The following PON2 variants were observed in gnomAD, a reference collection of about 807,000 sequenced individuals.
PON2 encodes the protein paraoxonase 2.
A neutral mutation model predicts 36.6 loss-of-function variants in PON2; 27 were observed. That is an observed-to-expected ratio of 0.74 (90% CI 0.54 to 1.02). The LOEUF is 1.02. Among genes scored for constraint, PON2 ranks in the 50% least tolerant of loss-of-function variants. The pLI is 0.00. For missense variants in PON2, 363 were observed against 421.1 expected, an observed-to-expected ratio of 0.86 and a Z score of 1.21; for synonymous variants, 149 against 156.3, an observed-to-expected ratio of 0.95 and a Z score of 0.35.
In PON2 at chr7:95,408,525, C is replaced by A. The variant is rs370173442; in HGVS notation, c.695+1376G>T. Among the ~76,000 whole-genome samples, 67 of 152,164 alleles carry A rather than the reference C, an allele frequency of 4.4e-4. 2 individuals are homozygous for A. The Middle Eastern group carries it at 0.01, about 23-fold the overall frequency. On this transcript the variant is annotated intron_variant, in intron 6 of 8. Coordinates refer to ENST00000222572, the MANE Select transcript of PON2 (RefSeq NM_000305.3). ...GCTTGGGTGATTGGAAAGTTTGACT[C>A]TCATAATGGAAATATAAGAGTGAAA...
At chr7:95,409,266 C>A (rs977055012) in intron 6 of PON2, among the ~76,000 whole-genome samples, 2 of 151,824 alleles carry the variant, frequency 1.3e-5, no homozygotes, top group Non-Finnish European at 2.9e-5. Flanking sequence ...GAGCTGAGAT[C>A]ATGCCATTGC....
At chr7:95,428,064 A>C (rs1274874594) in intron 1 of PON2, among the ~76,000 whole-genome samples, 1 of 152,182 alleles carries the variant, frequency 6.6e-6, no homozygotes, top group Non-Finnish European at 1.5e-5. Flanking sequence ...CTCTGCTGTC[A>C]TGCAGGAATT....
intron 1 of PON2, 116 bp downstream of exon 1, chr7:95,434,762 C>T (rs1357482916): frequency 5.9e-6 from 7 of 1,189,676 alleles, no homozygotes; most frequent in South Asian, 2.9e-5. Flanking sequence ...TCTCCACCCC[C>T]GGCCGCAGGG....
At chr7:95,409,014 T>C (rs1809786757) in intron 6 of PON2, among the ~76,000 whole-genome samples, 3 of 152,130 alleles carry the variant, frequency 2.0e-5, no homozygotes, top group African/African-American at 2.4e-5. Context: ...AACCATTATG[T>C]TATAATACTC....
chr7:95,410,128 G>A, intron 5 of PON2, 27 bp from the exon 6 acceptor site: 12 of 1,553,094 alleles, frequency 7.7e-6, no homozygotes, highest in Non-Finnish European at 6.2e-6. Context: ...GCATGTGAGA[G>A]GAAACAAAAG....
At chr7:95,426,852 T>C (rs1188428771) in intron 1 of PON2, among the ~76,000 whole-genome samples, 1 of 152,246 alleles carries the variant, frequency 6.6e-6, no homozygotes, top group East Asian at 1.9e-4. Flanking sequence ...TATTTGACTA[T>C]ACAAAAATAG....
At chr7:95,405,597 G>A in intron 8 of PON2, 109 bp from the exon 9 acceptor site, 6 of 1,055,782 alleles carry the variant, frequency 5.7e-6, no homozygotes, top group Non-Finnish European at 8.8e-6. Context: ...GGGACATGCT[G>A]TTGAAAATAG....
At chr7:95,430,212 C>T (rs981517213) in intron 1 of PON2, among the ~76,000 whole-genome samples, 2 of 152,060 alleles carry the variant, frequency 1.3e-5, no homozygotes, top group African/African-American at 4.8e-5. Flanking sequence ...TACCCATAAT[C>T]CCAGTGCTTT....
intron 1 of PON2, among the ~76,000 whole-genome samples, chr7:95,430,832 C>T (rs1468609268): frequency 2.7e-5 from 4 of 150,396 alleles, no homozygotes; most frequent in African/African-American, 7.3e-5. Flanking sequence ...GAAGTTTTTA[C>T]ACTTTTGACA....
intron 3 of PON2, 43 bp from the exon 4 acceptor site, chr7:95,412,520 A>AT (rs762165623): frequency 6.3e-7 from 1 of 1,580,134 alleles, no homozygotes; most frequent in Admixed American, 1.7e-5. Flanking sequence ...AAGCTTAAGT[A>AT]TTTTTATGGA....
chr7:95,414,517 C>A (rs1789016497), intron 3 of PON2, among the ~76,000 whole-genome samples: 1 of 152,120 alleles, frequency 6.6e-6, no homozygotes, highest in Non-Finnish European at 1.5e-5. Flanking sequence ...TGTTTGGAGA[C>A]CTCATCCCTC....
chr7:95,423,825 T>C (rs1016419985), intron 2 of PON2, among the ~76,000 whole-genome samples: 8 of 152,048 alleles, frequency 5.3e-5, no homozygotes, highest in African/African-American at 1.9e-4. Flanking sequence ...TCAGGAAACT[T>C]ACAATCTTGG....
At chr7:95,426,333 C>T (rs1789316643) in intron 1 of PON2, among the ~76,000 whole-genome samples, 1 of 152,120 alleles carries the variant, frequency 6.6e-6, no homozygotes, top group Non-Finnish European at 1.5e-5. Flanking sequence ...GAGGATGACA[C>T]TGATGATAAT....
chr7:95,417,981 C>CT (rs1043889860), intron 2 of PON2, among the ~76,000 whole-genome samples: 2 of 151,882 alleles, frequency 1.3e-5, no homozygotes, highest in Non-Finnish European at 2.9e-5. Context: ...AAAGAGAAAT[C>CT]TTTTTTTAAA....
intron 3 of PON2, chr7:95,412,753 G>A (rs1212295588): frequency 8.7e-6 from 4 of 459,966 alleles, no homozygotes; most frequent in South Asian, 4.3e-5. Flanking sequence ...GAGAGCTGAG[G>A]GTGGAGAAAA....
At chr7:95,408,488 A>AT (rs1427588504) in intron 6 of PON2, among the ~76,000 whole-genome samples, 3 of 152,086 alleles carry the variant, frequency 2.0e-5, no homozygotes, top group African/African-American at 4.8e-5. Flanking sequence ...CATTATTGTT[A>AT]TTTTTTTGTT....
intron 1 of PON2, among the ~76,000 whole-genome samples, chr7:95,431,341 TAAAGCAAAAATC>T (rs932403934): frequency 6.6e-6 from 1 of 152,180 alleles, no homozygotes; most frequent in Non-Finnish European, 1.5e-5. Context: ...GGCATCAGAT[TAAAGCAAAAATC>T]AAACATAAAG....
chr7:95,409,711 T>A (rs1788874662), intron 6 of PON2, 190 bp downstream of exon 6: 1 of 185,902 alleles, frequency 5.4e-6, no homozygotes, highest in African/African-American at 2.4e-5. Context: ...TATAAATACA[T>A]GTGACTAAGT....
intron 2 of PON2, among the ~76,000 whole-genome samples, chr7:95,417,780 C>T (rs1277679809): frequency 6.7e-6 from 1 of 149,414 alleles, no homozygotes; most frequent in Non-Finnish European, 1.5e-5. Context: ...AGTAGAAGCT[C>T]AATTAATTAA....
Sources: allele counts gnomAD v4.1 joint callset (sites outside exome capture counted in the v4.1 genomes callset), GRCh38; gene constraint gnomAD v4.1.1; transcripts MANE v1.5; gene names NCBI Gene and HGNC (gene_info 2026-07-23, HGNC 2026-07-21).